Variants in IPO5 observed in about 807,000 individuals in gnomAD.
IPO5 encodes the protein importin-5.
In IPO5, 18 loss-of-function variants were observed where a neutral mutation model predicts 143.3. That is an observed-to-expected ratio of 0.13 (90% CI 0.09 to 0.19). The LOEUF is 0.19. Among genes scored for constraint, IPO5 ranks in the 10% least tolerant of loss-of-function variants. The pLI, the probability that IPO5 is intolerant of heterozygous loss-of-function variation, is 1.00. For synonymous variants in IPO5, 477 were observed against 465.7 expected (o/e 1.02, Z -0.31); for missense variants, 1,013 against 1,336.9 (o/e 0.76, Z 3.78).
chr13:97,972,612 C>G (rs1323643302), intron 3 of IPO5, among the ~76,000 whole-genome samples: 1 of 152,208 alleles, frequency 6.6e-6, no homozygotes, highest in East Asian at 1.9e-4. Context: ...AGTGCCAAGT[C>G]TAATAAACTG....
chr13:97,968,182 T>C (rs1200207071), intron 2 of IPO5, among the ~76,000 whole-genome samples: 1 of 152,214 alleles, frequency 6.6e-6, no homozygotes, highest in Non-Finnish European at 1.5e-5. Flanking sequence ...TAATCTCTTG[T>C]GAATTTCTCA....
chr13:97,964,950 T>C (rs1454182378), intron 2 of IPO5, among the ~76,000 whole-genome samples: 1 of 152,130 alleles, frequency 6.6e-6, no homozygotes, highest in African/African-American at 2.4e-5. Flanking sequence ...CAAATGCCCA[T>C]CAATGATAGA....
At chr13:97,969,322 C>G (rs1021346748) in intron 2 of IPO5, among the ~76,000 whole-genome samples, 13 of 151,234 alleles carry the variant, frequency 8.6e-5, no homozygotes, top group African/African-American at 3.2e-4. Flanking sequence ...GCTGGGACTA[C>G]AGGTGCCCAC....
intron 7 of IPO5, among the ~76,000 whole-genome samples, chr13:97,989,577 T>C (rs1012477878): frequency 1.3e-5 from 2 of 152,328 alleles, no homozygotes; most frequent in East Asian, 1.9e-4. Context: ...TTTTATAATA[T>C]GTTAAGAAAC....
chr13:97,965,297 T>C (rs759550810), intron 2 of IPO5, among the ~76,000 whole-genome samples: 8 of 152,072 alleles, frequency 5.3e-5, no homozygotes, highest in Non-Finnish European at 1.0e-4. Flanking sequence ...CCATGGCACA[T>C]GTATACCTAT....
intron 2 of IPO5, among the ~76,000 whole-genome samples, chr13:97,965,678 T>C (rs1397796743): frequency 4.6e-5 from 7 of 152,172 alleles, no homozygotes; most frequent in Non-Finnish European, 8.8e-5. Context: ...TGCTAGTGTA[T>C]GGAATTACAA....
At chr13:98,004,891 TTTTA>T (rs149732418) in intron 16 of IPO5, among the ~76,000 whole-genome samples, 2,997 of 151,758 alleles carry the variant, frequency 0.02, 102 homozygotes, top group African/African-American at 0.068. Flanking sequence ...TTTTATTTTA[TTTTA>T]TTTATTTATT....
intron 2 of IPO5, among the ~76,000 whole-genome samples, chr13:97,966,081 C>G (rs1283132734): frequency 4.4e-5 from 5 of 113,676 alleles, no homozygotes; most frequent in Non-Finnish European, 9.0e-5. Flanking sequence ...ATGGAAGTTG[C>G]AGTAAGCCGA....
At chr13:97,989,191 G>C in intron 7 of IPO5, 27 bp downstream of exon 7, 1 of 1,324,778 alleles carries the variant, frequency 7.5e-7, no homozygotes, top group East Asian at 2.3e-5. Context: ...AGTTTTTTGA[G>C]ACATTTGATT....
intron 4 of IPO5, among the ~76,000 whole-genome samples, chr13:97,978,879 A>G (rs1278556853): frequency 6.6e-6 from 1 of 152,208 alleles, no homozygotes; most frequent in African/African-American, 2.4e-5. Context: ...AGCATTCAGC[A>G]CATTTTCTCA....
At chr13:98,002,247 C>T (rs1246917753) in intron 13 of IPO5, 15 of 320,894 alleles carry the variant, frequency 4.7e-5, no homozygotes, top group Non-Finnish European at 6.1e-5. Flanking sequence ...GATCTCCTGA[C>T]CTTGTGATCC....
intron 4 of IPO5, among the ~76,000 whole-genome samples, chr13:97,979,364 A>T (rs1038144143): frequency 2.0e-5 from 3 of 152,238 alleles, no homozygotes; most frequent in Non-Finnish European, 1.5e-5. Flanking sequence ...TAAAAAGTTA[A>T]AACTTTTTTC....
At chr13:97,972,030 T>A (rs1048693289) in intron 3 of IPO5, among the ~76,000 whole-genome samples, 1 of 152,206 alleles carries the variant, frequency 6.6e-6, no homozygotes, top group Non-Finnish European at 1.5e-5. Flanking sequence ...AAAATAATAA[T>A]GCCATCAGCT....
At chr13:97,964,640 G>T (rs181829161) in intron 2 of IPO5, among the ~76,000 whole-genome samples, 1 of 151,472 alleles carries the variant, frequency 6.6e-6, no homozygotes, top group Non-Finnish European at 1.5e-5. Context: ...AAGTAGAGAC[G>T]GGGTTTCACC....
chr13:98,007,040 A>AT (rs555630094), intron 17 of IPO5, among the ~76,000 whole-genome samples: 9,032 of 138,786 alleles, frequency 0.065, 732 homozygotes, highest in African/African-American at 0.2. Flanking sequence ...TGATTTTTGT[A>AT]TTTTTTTTTT....
At chr13:98,015,125 T>C (rs1179200400) in intron 22 of IPO5, among the ~76,000 whole-genome samples, 1 of 152,122 alleles carries the variant, frequency 6.6e-6, no homozygotes, top group Admixed American at 6.6e-5. Context: ...AAAGACAGCA[T>C]GCTTCCATAC....
chr13:98,002,948 A>G lies in IPO5; in HGVS notation c.1408A>G (p.Thr470Ala). 6.2e-7 allele frequency: 1 copy of G among 1,613,914 alleles called. No individual in the cohort carries two copies. The highest frequency in any genetic ancestry group is 8.5e-7 in the Non-Finnish European group (1 of 1,179,740). ...TGCAGCTGCTGCCCTCATTAACTTT[A>G]CTGAAGACTGTCCCAAGTCACTACT... Reference protein sequence around the residue: ...AHAAAALINFTEDCPKSLLIP... With the variant: ...AHAAAALINFAEDCPKSLLIP... The change falls in exon 16 of 29, where the codon ACT becomes GCT. Residue 470 changes from threonine (T) to alanine (A), a missense_variant. Physicochemically the swap from Thr to Ala is moderately conservative, Grantham distance 58. This residue lies in a region of IPO5 where 685 missense variants were observed against 994.9 expected (regional missense o/e 0.69). Transcript: ENST00000651721.
intron 3 of IPO5, 21 bp from the exon 4 acceptor site, chr13:97,976,672 C>G (rs1195425370): frequency 1.6e-6 from 2 of 1,269,774 alleles, no homozygotes; most frequent in East Asian, 4.7e-5. Flanking sequence ...TCTCCCCTCC[C>G]TCCTTCTCTC....
At chr13:97,977,627 C>T (rs930123431) in intron 4 of IPO5, among the ~76,000 whole-genome samples, 36 of 152,124 alleles carry the variant, frequency 2.4e-4, no homozygotes, top group African/African-American at 8.7e-4. Flanking sequence ...TGTTCCTGGC[C>T]TCCAAAATGT....
Sources: allele counts gnomAD v4.1 joint callset (sites outside exome capture counted in the v4.1 genomes callset), GRCh38; gene constraint gnomAD v4.1.1; regional missense constraint gnomAD v4.1.1; transcripts MANE v1.5; gene names NCBI Gene and HGNC (gene_info 2026-07-23, HGNC 2026-07-21).